THSD7B: variants seen among roughly 807,000 people sequenced by gnomAD.
THSD7B encodes the protein thrombospondin type-1 domain-containing protein 7B.
In THSD7B, 138 loss-of-function variants were observed where a neutral mutation model predicts 213.6. The observed-to-expected ratio is 0.65, with a 90% CI of 0.56 to 0.74. The LOEUF is 0.74. Ranked by LOEUF, THSD7B falls within the 30% of genes least tolerant of loss-of-function variation. The pLI, the probability that THSD7B is intolerant of heterozygous loss-of-function variation, is 0.00. For missense variants in THSD7B, 1,931 were observed against 1,991.5 expected, an observed-to-expected ratio of 0.97 and a Z score of 0.58; for synonymous variants, 742 against 687.0, an observed-to-expected ratio of 1.08 and a Z score of -1.25.
intron 15 of THSD7B, among the ~76,000 whole-genome samples, chr2:137,486,576 C>G (rs1298064130): frequency 6.7e-6 from 1 of 148,630 alleles, no homozygotes; most frequent in African/African-American, 2.5e-5. Flanking sequence ...CAACATTAGA[C>G]AGATCAACGA....
chr2:137,147,420 G>A (rs997232243), intron 5 of THSD7B, among the ~76,000 whole-genome samples: 2 of 151,490 alleles, frequency 1.3e-5, no homozygotes, highest in African/African-American at 2.4e-5. Flanking sequence ...AGTAGCATAC[G>A]CTAACAAGGA....
At chr2:136,802,667 ATAT>A (rs1682210438) in intron 1 of THSD7B, among the ~76,000 whole-genome samples, 1 of 124,136 alleles carries the variant, frequency 8.1e-6, no homozygotes, top group Non-Finnish European at 1.7e-5. Context: ...ATATATATAT[ATAT>A]ATATATATAT....
chr2:137,472,956 A>G (rs1688121312), intron 15 of THSD7B, among the ~76,000 whole-genome samples: 1 of 152,178 alleles, frequency 6.6e-6, no homozygotes, highest in African/African-American at 2.4e-5. Flanking sequence ...ACTCATTAAT[A>G]TCACCACAGA....
At chr2:137,228,568 C>A (rs756526731) in intron 7 of THSD7B, among the ~76,000 whole-genome samples, 2 of 152,148 alleles carry the variant, frequency 1.3e-5, no homozygotes, top group African/African-American at 2.4e-5. Context: ...TCTCATCATG[C>A]ACCTTCAGTA....
At chr2:137,268,820 A>G (rs1460460281) in intron 10 of THSD7B, among the ~76,000 whole-genome samples, 1 of 152,148 alleles carries the variant, frequency 6.6e-6, no homozygotes. Context: ...GCTCTGGTTC[A>G]AACACCTCTA....
rs1480898733 is a variant in THSD7B, at chr2:137,618,459, CT to C, written c.3634del (p.Cys1212ValfsTer25). On this transcript the variant is annotated frameshift_variant, in exon 19 of 28. Transcript: ENST00000409968. LOFTEE classifies it high-confidence loss of function. ...AAGGCGTCAGGACCCGCCTGCTAAG[CT>C]GTGTGTGCAGTGATGGCAAGCCAGT... ...GQGVRTRLLSCVCSDGKPVSM... is the reference protein window; with the variant it reads ...GQGVRTRLLSXVCSDGKPVSM... The C allele has an allele frequency of 6.2e-7, 1 of 1,613,884 alleles. No individual in the cohort carries two copies. The highest frequency in any genetic ancestry group is 8.5e-7 in the Non-Finnish European group (1 of 1,179,856).
chr2:136,766,382 TG>T (rs1368565174), intron 1 of THSD7B, among the ~76,000 whole-genome samples: 10 of 142,438 alleles, frequency 7.0e-5, no homozygotes, highest in African/African-American at 2.4e-4. Flanking sequence ...GAGAGGAAAC[TG>T]GGAACGGGGC....
At chr2:137,405,533 G>A (rs1558786279) in intron 12 of THSD7B, 80 bp from the exon 13 acceptor site, 10 of 1,351,362 alleles carry the variant, frequency 7.4e-6, no homozygotes, top group South Asian at 3.1e-5. Context: ...AACATTGGGG[G>A]ATTCTGCTGT....
chr2:137,546,357 A>C, intron 15 of THSD7B, among the ~76,000 whole-genome samples: 1 of 57,318 alleles, frequency 1.7e-5, no homozygotes, highest in Non-Finnish European at 3.2e-5. Flanking sequence ...CAGCATATAT[A>C]TATATTATAT....
intron 15 of THSD7B, among the ~76,000 whole-genome samples, chr2:137,561,719 C>G (rs1023479519): frequency 5.3e-5 from 8 of 152,094 alleles, no homozygotes; most frequent in African/African-American, 1.7e-4. Flanking sequence ...TATCCTATGA[C>G]TGTTATGGGA....
chr2:137,618,320 T>A, intron 18 of THSD7B, 72 bp from the exon 19 acceptor site: 1 of 1,198,228 alleles, frequency 8.3e-7, no homozygotes, highest in Non-Finnish European at 1.2e-6. Context: ...AAGCAGATAA[T>A]CAAAGGTCTG....
At chr2:136,831,622 G>A (rs1293541538) in intron 1 of THSD7B, among the ~76,000 whole-genome samples, 1 of 152,238 alleles carries the variant, frequency 6.6e-6, no homozygotes, top group Admixed American at 6.5e-5. Context: ...TTTGCCTAGT[G>A]ACATAGACTT....
At chr2:137,351,168 C>G (rs1558766667) in intron 12 of THSD7B, among the ~76,000 whole-genome samples, 1 of 151,666 alleles carries the variant, frequency 6.6e-6, no homozygotes, top group Non-Finnish European at 1.5e-5. Flanking sequence ...AAGATCATTC[C>G]CTGAAGAACT....
intron 12 of THSD7B, among the ~76,000 whole-genome samples, chr2:137,312,383 T>A (rs1168299420): frequency 6.7e-6 from 1 of 150,250 alleles, no homozygotes; most frequent in Non-Finnish European, 1.5e-5. Flanking sequence ...TGTGTCTATT[T>A]GATTCTTCTC....
At chr2:137,464,442 T>C (rs559985530) in intron 15 of THSD7B, among the ~76,000 whole-genome samples, 9 of 152,134 alleles carry the variant, frequency 5.9e-5, no homozygotes, top group African/African-American at 2.2e-4. Flanking sequence ...CCAGGTACCA[T>C]AGTGGCCACT....
At chr2:136,901,496 C>T (rs913450526) in intron 2 of THSD7B, among the ~76,000 whole-genome samples, 6 of 152,046 alleles carry the variant, frequency 3.9e-5, no homozygotes, top group Admixed American at 2.0e-4. Context: ...CTGAAGTAGA[C>T]GATAAGGTCA....
chr2:137,303,506 T>G (rs1683657699), intron 12 of THSD7B, among the ~76,000 whole-genome samples: 1 of 151,270 alleles, frequency 6.6e-6, no homozygotes, highest in Admixed American at 6.6e-5. Flanking sequence ...ATTAATGTGG[T>G]CCTCAAAGAT....
chr2:137,040,213 A>G (rs1021616277), intron 2 of THSD7B, among the ~76,000 whole-genome samples: 1 of 152,264 alleles, frequency 6.6e-6, no homozygotes, highest in Admixed American at 6.5e-5. Flanking sequence ...AGGGCTGGAC[A>G]ATGCTTACAA....
chr2:137,160,217 T>C lies in THSD7B; in HGVS notation c.1374T>C (p.Ser458=). The change falls in exon 6 of 28, where the codon TCT becomes TCC. Residue 458 remains serine, a synonymous_variant. Coordinates refer to ENST00000409968, the MANE Select transcript of THSD7B (RefSeq NM_001316349.2). ...CGTTATCTTTTTGTCCCTCAGTCTC[T>C]AGACCTGTGGAAAAGGCATTATGTG... ...AAAALRAKEV[S]RPVEKALCVG... is the part of the protein sequence containing the mutation. 1 of 1,613,136 alleles carries C rather than the reference T, an allele frequency of 6.2e-7. No homozygotes were observed. Among genetic ancestry groups the C allele is most frequent in the Non-Finnish European group, 8.5e-7 (1 of 1,179,420 alleles).
Sources: gnomAD v4.1 joint callset for allele counts (sites outside exome capture counted in the v4.1 genomes callset) on GRCh38, gnomAD v4.1.1 for gene constraint, MANE v1.5 for transcripts, NCBI Gene and HGNC (gene_info 2026-07-23, HGNC 2026-07-21) for gene names.